Variants in TJP1 observed in about 807,000 individuals in gnomAD.
The protein encoded by TJP1 is tight junction protein ZO-1.
In TJP1, 43 loss-of-function variants were observed where a neutral mutation model predicts 194.2. The observed-to-expected ratio is 0.22, with a 90% CI of 0.17 to 0.29. TJP1 has a LOEUF of 0.29. Among genes scored for constraint, TJP1 ranks in the 10% least tolerant of loss-of-function variants. TJP1 has a pLI of 1.00. For missense variants in TJP1, 1,971 were observed against 2,185.7 expected (o/e 0.90, Z 1.96); for synonymous variants, 801 against 779.0 (o/e 1.03, Z -0.47).
intron 18 of TJP1, among the ~76,000 whole-genome samples, chr15:29,722,478 T>C (rs2042988548): frequency 6.6e-6 from 1 of 152,194 alleles, no homozygotes; most frequent in African/African-American, 2.4e-5. Flanking sequence ...AGGGAGACAG[T>C]TGAGGCTTGG....
chr15:29,801,966 G>A (rs973006790), intron 1 of TJP1, among the ~76,000 whole-genome samples: 2 of 152,096 alleles, frequency 1.3e-5, no homozygotes, highest in South Asian at 2.1e-4. Flanking sequence ...CATGCGACCT[G>A]TGAACCACGG....
intron 2 of TJP1, among the ~76,000 whole-genome samples, chr15:29,791,766 G>A (rs1053971474): frequency 2.6e-5 from 4 of 151,834 alleles, no homozygotes; most frequent in African/African-American, 9.7e-5. Context: ...TCTTTTTTCT[G>A]CCTGCTCACT....
chr15:29,771,840 C>T (rs1438297927), intron 4 of TJP1, among the ~76,000 whole-genome samples: 2 of 152,054 alleles, frequency 1.3e-5, no homozygotes, highest in African/African-American at 2.4e-5. Context: ...TTAACTGTCC[C>T]CTTTCCTTTT....
At chr15:29,939,464 C>A (rs2054993318) in intron 2 of TJP1, among the ~76,000 whole-genome samples, 1 of 152,038 alleles carries the variant, frequency 6.6e-6, no homozygotes, top group Admixed American at 6.6e-5. Context: ...CAAACCAGAG[C>A]CTACACCTGA....
At chr15:29,963,403 T>C (rs1221479020) in intron 1 of TJP1, among the ~76,000 whole-genome samples, 1 of 152,132 alleles carries the variant, frequency 6.6e-6, no homozygotes, top group Non-Finnish European at 1.5e-5. Flanking sequence ...ACCGAGAAAA[T>C]ACAGCCTCAT....
chr15:29,890,247 A>C (rs559982293), intron 2 of TJP1, among the ~76,000 whole-genome samples: 1 of 152,328 alleles, frequency 6.6e-6, no homozygotes, highest in African/African-American at 2.4e-5. Context: ...CTGTCATTTA[A>C]AATGAACTGA....
Position 29,761,118 on chromosome 15 carries a change from T to C in TJP1, c.1010+21A>G, listed in dbSNP as rs752554216. The C allele has an allele frequency of 2.6e-6, 4 of 1,561,020 alleles. No individual in the cohort carries two copies. The South Asian group carries it at 4.8e-5, about 19-fold the overall frequency. On this transcript the variant is annotated intron_variant, in intron 8 of 27. Transcript: ENST00000614355. ...AAGCAAACAAAACCCCTGTATTTTTTAAAAAAATAGGGTGTCTTACCTGCC... is the reference window on the plus strand; with the variant it reads ...AAGCAAACAAAACCCCTGTATTTTTCAAAAAAATAGGGTGTCTTACCTGCC...
chr15:29,737,895 A>C (rs2044141973), intron 10 of TJP1, among the ~76,000 whole-genome samples: 1 of 152,212 alleles, frequency 6.6e-6, no homozygotes, highest in African/African-American at 2.4e-5. Flanking sequence ...TACATGTAAC[A>C]GAGAGTGATT....
chr15:29,823,744 A>G (rs147711381), upstream of TJP1: 1 of 152,270 alleles, frequency 6.6e-6, no homozygotes, highest in African/African-American at 2.4e-5. Context: ...TTTTTGTTTT[A>G]AAGTCATGTT....
chr15:29,804,266 T>C (rs2048976798), intron 1 of TJP1, among the ~76,000 whole-genome samples: 1 of 152,154 alleles, frequency 6.6e-6, no homozygotes, highest in African/African-American at 2.4e-5. Flanking sequence ...GGTAGAATCT[T>C]AGTGGTTGGG....
intron 1 of TJP1, among the ~76,000 whole-genome samples, chr15:29,811,197 C>T (rs1163626838): frequency 6.6e-6 from 1 of 152,014 alleles, no homozygotes; most frequent in Non-Finnish European, 1.5e-5. Flanking sequence ...CCACTAGGAG[C>T]TTACTGACCA....
intron 2 of TJP1, among the ~76,000 whole-genome samples, chr15:29,917,627 C>T (rs2152241251): frequency 6.6e-6 from 1 of 152,256 alleles, no homozygotes; most frequent in African/African-American, 2.4e-5. Flanking sequence ...GACCCAACCA[C>T]AAAGGGAATA....
intron 2 of TJP1, among the ~76,000 whole-genome samples, chr15:29,889,284 G>A (rs2053227846): frequency 6.6e-6 from 1 of 152,180 alleles, no homozygotes; most frequent in African/African-American, 2.4e-5. Flanking sequence ...CACTTGATTA[G>A]TGCAAAGTTT....
intron 2 of TJP1, among the ~76,000 whole-genome samples, chr15:29,905,854 T>C (rs1485085458): frequency 5.9e-5 from 9 of 152,296 alleles, no homozygotes; most frequent in Middle Eastern, 3.4e-3. Context: ...GCCATGGGTT[T>C]CCAGGGGTGG....
chr15:29,880,162 C>A (rs57615715), intron 2 of TJP1, among the ~76,000 whole-genome samples: 1 of 152,002 alleles, frequency 6.6e-6, no homozygotes, highest in Non-Finnish European at 1.5e-5. Flanking sequence ...TCAATCATTT[C>A]TCTGTGTATG....
chr15:29,732,859 CA>C, intron 13 of TJP1, 44 bp from the exon 14 acceptor site: 1 of 1,520,232 alleles, frequency 6.6e-7, no homozygotes, highest in East Asian at 2.3e-5. Flanking sequence ...ATTTAAAATG[CA>C]AAATGGAAAA....
At chr15:29,762,298 T>A (rs1019687691) in intron 6 of TJP1, 37 bp downstream of exon 6, 1 of 1,540,696 alleles carries the variant, frequency 6.5e-7, no homozygotes, top group Admixed American at 1.7e-5. Flanking sequence ...ACTTGTTTTC[T>A]ATTTCAGTTC....
intron 2 of TJP1, among the ~76,000 whole-genome samples, chr15:29,949,916 TCCACCTTCA>T (rs2055594515): frequency 3.3e-5 from 1 of 29,972 alleles, no homozygotes. Flanking sequence ...CACCTCCACC[TCCACCTTCA>T]CCACCACCAC....
intron 2 of TJP1, among the ~76,000 whole-genome samples, chr15:29,901,549 C>T (rs573092858): frequency 6.6e-6 from 1 of 152,276 alleles, no homozygotes; most frequent in South Asian, 2.1e-4. Context: ...TGACTAGGCA[C>T]CATGGCTCAC....
Sources: allele counts gnomAD v4.1 joint callset (sites outside exome capture counted in the v4.1 genomes callset), GRCh38; gene constraint gnomAD v4.1.1; transcripts MANE v1.5; gene names NCBI Gene and HGNC (gene_info 2026-07-23, HGNC 2026-07-21).